Variants in TAS2R1 observed in about 807,000 individuals in gnomAD.
The protein encoded by TAS2R1 is taste receptor type 2 member 1.
For synonymous variants in TAS2R1, 141 were observed against 134.2 expected, an observed-to-expected ratio of 1.05 and a Z score of -0.35; for missense variants, 370 against 353.4, an observed-to-expected ratio of 1.05 and a Z score of -0.38.
chr5:9,685,276 T>C (rs1741103422), intron 1 of TAS2R1, among the ~76,000 whole-genome samples: 1 of 152,160 alleles, frequency 6.6e-6, no homozygotes. Context: ...AAGAAAAATA[T>C]GAACTTTTGC....
chr5:9,756,734 T>C, the TAS2R1 span, among the ~76,000 whole-genome samples: 3 of 152,158 alleles, frequency 2.0e-5, no homozygotes, highest in Non-Finnish European at 4.4e-5. Flanking sequence ...TTTTTCTAAA[T>C]ATAGGAGCTG....
At chr5:9,752,963 C>G in the TAS2R1 span, among the ~76,000 whole-genome samples, 27 of 152,206 alleles carry the variant, frequency 1.8e-4, no homozygotes, top group Middle Eastern at 3.4e-3. Context: ...GGACATTTGG[C>G]TTGGTTCCAA....
chr5:9,632,111 T>G (rs1270506284), upstream of TAS2R1, among the ~76,000 whole-genome samples: 3 of 152,198 alleles, frequency 2.0e-5, no homozygotes, highest in Non-Finnish European at 4.4e-5. Flanking sequence ...CATAATACTG[T>G]GCATTAAATT....
chr5:9,804,644 C>T, the TAS2R1 span, among the ~76,000 whole-genome samples: 13 of 152,190 alleles, frequency 8.5e-5, no homozygotes, highest in African/African-American at 2.9e-4. Flanking sequence ...CCTGAATAAT[C>T]ATTGTTTTGA....
chr5:9,803,028 A>G, the TAS2R1 span, among the ~76,000 whole-genome samples: 4 of 152,262 alleles, frequency 2.6e-5, no homozygotes, highest in Non-Finnish European at 4.4e-5. Context: ...AAAAGTCTTC[A>G]GTGAAATAGC....
At chr5:9,779,512 C>G in the TAS2R1 span, among the ~76,000 whole-genome samples, 2 of 152,092 alleles carry the variant, frequency 1.3e-5, no homozygotes, top group South Asian at 4.1e-4. Context: ...ATTAACTGGC[C>G]TATTTTCAAT....
chr5:9,788,740 C>T, the TAS2R1 span, among the ~76,000 whole-genome samples: 80 of 152,130 alleles, frequency 5.3e-4, no homozygotes, highest in Non-Finnish European at 6.5e-4. Flanking sequence ...ACAGTAAACT[C>T]ATTAGAAGCT....
At chr5:9,710,492 G>C (rs1741708124) in intron 1 of TAS2R1, among the ~76,000 whole-genome samples, 2 of 152,128 alleles carry the variant, frequency 1.3e-5, no homozygotes, top group East Asian at 3.8e-4. Context: ...TACCAAAAAT[G>C]GGCAAACAAA....
chr5:9,845,127 G>T, the TAS2R1 span, among the ~76,000 whole-genome samples: 1 of 152,074 alleles, frequency 6.6e-6, no homozygotes, highest in South Asian at 2.1e-4. Context: ...TGGTAATTAG[G>T]TTTAGGTGAT....
At chr5:9,846,294 G>A in the TAS2R1 span, among the ~76,000 whole-genome samples, 5 of 152,138 alleles carry the variant, frequency 3.3e-5, no homozygotes, top group African/African-American at 1.2e-4. Context: ...CCACCCATAG[G>A]GACTATGTCT....
At chr5:9,722,042 A>G in the TAS2R1 span, among the ~76,000 whole-genome samples, 1 of 151,808 alleles carries the variant, frequency 6.6e-6, no homozygotes, top group African/African-American at 2.4e-5. Flanking sequence ...TTCCTTATTA[A>G]TCTCTCTCTC....
the TAS2R1 span, among the ~76,000 whole-genome samples, chr5:9,720,559 T>G: frequency 6.6e-6 from 1 of 152,176 alleles, no homozygotes; most frequent in Non-Finnish European, 1.5e-5. Flanking sequence ...CTGCTCCATC[T>G]CAGGCTGGAA....
chr5:9,744,742 A>G, the TAS2R1 span, among the ~76,000 whole-genome samples: 1 of 152,290 alleles, frequency 6.6e-6, no homozygotes, highest in South Asian at 2.1e-4. Flanking sequence ...CCAAGCAAAA[A>G]CAAAGCACAA....
chr5:9,714,189 G>A (rs970016298), upstream of TAS2R1: 1 of 152,172 alleles, frequency 6.6e-6, no homozygotes, highest in African/African-American at 2.4e-5. Context: ...CAGGTTGACT[G>A]CTTTTCCTCC....
the TAS2R1 span, among the ~76,000 whole-genome samples, chr5:9,749,482 G>C: frequency 3.3e-5 from 5 of 152,212 alleles, no homozygotes; most frequent in Non-Finnish European, 7.3e-5. Context: ...TAATTCTTCA[G>C]ATACTGAAAG....
intron 1 of TAS2R1, among the ~76,000 whole-genome samples, chr5:9,699,234 A>G (rs1741425914): frequency 6.6e-6 from 1 of 152,228 alleles, no homozygotes. Context: ...TCATGTAAAC[A>G]TGCTAAATAA....
chr5:9,783,613 T>C, the TAS2R1 span, among the ~76,000 whole-genome samples: 1 of 152,242 alleles, frequency 6.6e-6, no homozygotes, highest in Non-Finnish European at 1.5e-5. Context: ...TTCATACTGA[T>C]TTCCTTTAGA....
chr5:9,874,447 T>C, the TAS2R1 span, among the ~76,000 whole-genome samples: 2 of 124,468 alleles, frequency 1.6e-5, no homozygotes, highest in Non-Finnish European at 3.6e-5. Context: ...GTCTAGAAAT[T>C]CCTGCATTAT....
the TAS2R1 span, among the ~76,000 whole-genome samples, chr5:9,892,909 T>C: frequency 3.3e-5 from 5 of 152,202 alleles, no homozygotes; most frequent in Non-Finnish European, 7.3e-5. Flanking sequence ...CTGCATTCAT[T>C]TGCCCTTGTG....
Sources: gnomAD v4.1 joint callset for allele counts (sites outside exome capture counted in the v4.1 genomes callset) on GRCh38, gnomAD v4.1.1 for gene constraint, MANE v1.5 for transcripts, NCBI Gene and HGNC (gene_info 2026-07-23, HGNC 2026-07-21) for gene names.